The following TPRG1 variants were observed in gnomAD, a reference collection of about 807,000 sequenced individuals.
TPRG1 encodes tumor protein p63-regulated gene 1 protein.
A neutral mutation model predicts 29.3 loss-of-function variants in TPRG1; 29 were observed. The ratio of observed to expected loss-of-function variants is 0.99; its 90% confidence interval spans 0.74 to 1.35. The LOEUF (loss-of-function observed/expected upper bound fraction) is 1.35, where lower values mean the gene tolerates loss of function less well. Among genes scored for constraint, TPRG1 ranks in the 40% most tolerant of loss-of-function variants. The pLI, the probability that TPRG1 is intolerant of heterozygous loss-of-function variation, is 0.00. For synonymous variants in TPRG1, 130 were observed against 116.8 expected (o/e 1.11, Z -0.73); for missense variants, 327 against 335.0 (o/e 0.98, Z 0.19).
intron 3 of TPRG1, among the ~76,000 whole-genome samples, chr3:189,233,196 GTT>G (rs369049985): frequency 6.7e-6 from 1 of 149,398 alleles, no homozygotes; most frequent in Non-Finnish European, 1.5e-5. Context: ...GTGTGTGTGT[GTT>G]TGTGTGCAAG....
chr3:189,094,474 C>T (rs556524630), intron 4 of TPRG1, among the ~76,000 whole-genome samples: 27 of 152,246 alleles, frequency 1.8e-4, no homozygotes, highest in Admixed American at 3.3e-4. Flanking sequence ...TGACAATCCC[C>T]GTTAAATGGC....
In TPRG1 at chr3:189,152,179, T is replaced by A. The variant is rs76740190; in HGVS notation, c.-10+1307T>A. ...CTTCCCTTAAGATCTGTTTTTTTTT[T>A]ATGTTACCAAGGTGAACCATTTACT... On this transcript the variant is annotated intron_variant, in intron 5 of 6. Coordinates refer to the TPRG1 transcript ENST00000412373. 2.6e-3 allele frequency among the ~76,000 whole-genome samples: 391 copies of A among 152,240 alleles called. 2 individuals are homozygous for A. Among genetic ancestry groups the A allele is most frequent in the African/African-American group, 8.8e-3 (367 of 41,538 alleles).
At chr3:189,129,212 C>T (rs890823514) in intron 2 of TPRG1, among the ~76,000 whole-genome samples, 7 of 152,118 alleles carry the variant, frequency 4.6e-5, no homozygotes, top group Non-Finnish European at 1.0e-4. Context: ...CCATCTGTGA[C>T]AGTTTCTCAC....
chr3:189,006,773 C>A (rs181330249), intron 3 of TPRG1, among the ~76,000 whole-genome samples: 1 of 152,216 alleles, frequency 6.6e-6, no homozygotes, highest in Admixed American at 6.5e-5. Context: ...GGTGAGCAAA[C>A]TTTAGCTTCT....
At chr3:189,166,287 T>A (rs1728158419) in intron 5 of TPRG1, among the ~76,000 whole-genome samples, 1 of 152,240 alleles carries the variant, frequency 6.6e-6, no homozygotes, top group Non-Finnish European at 1.5e-5. Context: ...TGAATTGAAC[T>A]GTTTTGTTGT....
At chr3:189,080,254 C>G (rs147114412) in intron 4 of TPRG1, among the ~76,000 whole-genome samples, 97 of 152,132 alleles carry the variant, frequency 6.4e-4, no homozygotes, top group African/African-American at 2.3e-3. Flanking sequence ...GACAGAAATG[C>G]TGAAAAACCA....
At chr3:189,078,091 C>CTCTTTCTCTCTTTCTCTCTTTCTT (rs1553899974) in intron 4 of TPRG1, among the ~76,000 whole-genome samples, 6 of 85,200 alleles carry the variant, frequency 7.0e-5, no homozygotes, top group African/African-American at 2.7e-4. Flanking sequence ...CTCTCTTTCT[C>CTCTTTCTCTCTTTCTCTCTTTCTT]TCTTTCTTTC....
At chr3:189,240,747 G>T (rs1348510835) in intron 4 of TPRG1, among the ~76,000 whole-genome samples, 3 of 152,164 alleles carry the variant, frequency 2.0e-5, no homozygotes, top group Non-Finnish European at 4.4e-5. Context: ...AGATTTGGGT[G>T]GGGACATAGT....
chr3:189,157,908 G>A (rs1219626853), intron 5 of TPRG1, among the ~76,000 whole-genome samples: 1 of 152,196 alleles, frequency 6.6e-6, no homozygotes, highest in African/African-American at 2.4e-5. Flanking sequence ...GACTGGTGCT[G>A]AGTATTATAC....
chr3:189,295,923 A>AC (rs1035511393), intron 4 of TPRG1, among the ~76,000 whole-genome samples: 4 of 104,580 alleles, frequency 3.8e-5, no homozygotes, highest in Non-Finnish European at 5.9e-5. Context: ...TAAAAAAAAA[A>AC]AAAAAAAAAC....
At chr3:189,144,472 T>C (rs1248926523) in intron 3 of TPRG1, among the ~76,000 whole-genome samples, 2 of 152,226 alleles carry the variant, frequency 1.3e-5, no homozygotes, top group Non-Finnish European at 2.9e-5. Context: ...GTGGTTCTGC[T>C]GTCAAACTGA....
At chr3:189,122,531 C>G (rs955135727) in intron 1 of TPRG1, among the ~76,000 whole-genome samples, 1 of 152,144 alleles carries the variant, frequency 6.6e-6, no homozygotes, top group Non-Finnish European at 1.5e-5. Context: ...GAGTATTTTG[C>G]GTAGCATGGG....
upstream of TPRG1, among the ~76,000 whole-genome samples, chr3:189,171,347 A>G (rs1462923547): frequency 1.3e-5 from 2 of 152,264 alleles, no homozygotes; most frequent in Non-Finnish European, 2.9e-5. Context: ...GATTCACTAA[A>G]TAGATATTAA....
intron 4 of TPRG1, among the ~76,000 whole-genome samples, chr3:189,094,689 A>G (rs1718560659): frequency 6.6e-6 from 1 of 152,190 alleles, no homozygotes; most frequent in Non-Finnish European, 1.5e-5. Context: ...CTTGCCTGCC[A>G]CTTGTATATT....
At chr3:189,191,658 G>A (rs1048556982) in intron 1 of TPRG1, among the ~76,000 whole-genome samples, 13 of 152,156 alleles carry the variant, frequency 8.5e-5, no homozygotes, top group African/African-American at 2.9e-4. Flanking sequence ...GGAGCTTAAT[G>A]TATATATTTC....
chr3:189,150,143 GAGAGTAAAGTGGAAGTGACTTGGTGA>G (rs1247856297), intron 4 of TPRG1, among the ~76,000 whole-genome samples: 16 of 152,174 alleles, frequency 1.1e-4, no homozygotes, highest in African/African-American at 3.9e-4. Flanking sequence ...CTTTGATGAA[GAGAGTAAAGTGGAAGTGACTTGGTGA>G]ACTTGCAGGC....
At position 189,238,843 on chromosome 3, in the gene TPRG1, T is replaced by C; in HGVS notation, c.413T>C (p.Ile138Thr). 2 of 1,613,794 alleles carry C rather than the reference T, an allele frequency of 1.2e-6. No individual in the cohort carries two copies. Among genetic ancestry groups the C allele is most frequent in the Non-Finnish European group, 1.7e-6 (2 of 1,179,752 alleles). ...IMLSCVQLQR[I>T]PLSAVYRICL... ...CTGAGTTGTGTGCAGCTGCAGCGGA[T>C]TCCTCTGAGCGCTGTCTATCGCATC... is the stretch of plus-strand genomic sequence containing the variant. The change falls in exon 4 of 6, where the codon ATT (isoleucine) becomes ACT (threonine). Residue 138 changes from isoleucine to threonine, a missense_variant. Coordinates refer to ENST00000345063, the MANE Select transcript of TPRG1 (RefSeq NM_198485.4).
intron 3 of TPRG1, among the ~76,000 whole-genome samples, chr3:189,146,989 C>T (rs958239490): frequency 6.6e-6 from 1 of 152,154 alleles, no homozygotes; most frequent in African/African-American, 2.4e-5. Flanking sequence ...CACAGCGTCC[C>T]CTCTGGGGTC....
chr3:189,267,504 A>G (rs1714315967), intron 4 of TPRG1: 1 of 152,230 alleles, frequency 6.6e-6, no homozygotes, highest in Non-Finnish European at 1.5e-5. Flanking sequence ...AGACAAGGCA[A>G]TCGTTTTTAG....
Sources: gnomAD v4.1 joint callset for allele counts (sites outside exome capture counted in the v4.1 genomes callset) on GRCh38, gnomAD v4.1.1 for gene constraint, MANE v1.5 for transcripts, NCBI Gene and HGNC (gene_info 2026-07-23, HGNC 2026-07-21) for gene names.